The following TSBP1 variants were observed in gnomAD, a reference collection of about 807,000 sequenced individuals.
The protein encoded by TSBP1 is testis expressed basic protein 1.
In TSBP1, 56 loss-of-function variants were observed where a neutral mutation model predicts 68.8. The observed-to-expected ratio is 0.81, with a 90% confidence interval of 0.66 to 1.02. The LOEUF (loss-of-function observed/expected upper bound fraction) is 1.02, where lower values mean the gene tolerates loss of function less well. Ranked by LOEUF, TSBP1 falls within the 50% of genes least tolerant of loss-of-function variation. The probability of loss-of-function intolerance (pLI) is 0.00; values close to 1 mark genes in which losing one functional copy is unlikely to be tolerated. For synonymous variants in TSBP1, 171 were observed against 208.7 expected (o/e 0.82, Z 1.56); for missense variants, 502 against 641.2 (o/e 0.78, Z 2.34).
At chr6:32,355,655 C>A (rs1185139354) in exon 7 of TSBP1, 1 of 1,589,034 alleles carries the variant, frequency 6.3e-7, no homozygotes, top group Non-Finnish European at 8.5e-7. Flanking sequence ...TTACTGTAAT[C>A]TCTTTTGGAT....
intron 2 of TSBP1, 83 bp downstream of exon 2, chr6:32,369,814 T>C: frequency 1.2e-6 from 1 of 864,574 alleles, no homozygotes; most frequent in South Asian, 1.3e-5. Context: ...GTTTGATGAG[T>C]GAGATGAACT....
At chr6:32,358,390 A>C (rs1772577188) in intron 6 of TSBP1, among the ~76,000 whole-genome samples, 1 of 152,130 alleles carries the variant, frequency 6.6e-6, no homozygotes, top group Non-Finnish European at 1.5e-5. Flanking sequence ...AATGTGATGA[A>C]CTTTTAAGAA....
intron 18 of TSBP1, among the ~76,000 whole-genome samples, chr6:32,320,898 C>T (rs1032959060): frequency 6.6e-6 from 1 of 152,094 alleles, no homozygotes; most frequent in African/African-American, 2.4e-5. Context: ...CATGTGTTCT[C>T]ATCATTTAGC....
In TSBP1 at chr6:32,315,082, A is replaced by G; in HGVS notation, c.580+690T>C. Among the ~76,000 whole-genome samples the G allele has an allele frequency of 6.6e-6, 1 of 152,192 alleles. No individual in the cohort carries two copies. The highest frequency in any genetic ancestry group is 1.9e-4 in the East Asian group (1 of 5,194). On this transcript the variant is annotated intron_variant, in intron 19 of 22. Coordinates refer to ENST00000612031, the Ensembl canonical transcript of TSBP1. The surrounding 1 kb of genome is among the most constrained non-coding windows in gnomAD (Gnocchi z 5.4). ...ATTTCAGGATGAGGAATCTCAGCTG[A>G]TATTGGGTTTGCTTAAATCATTTGT...
rs573520126 is a variant in TSBP1, at chr6:32,316,481, T to A, written c.560-689A>T. ...CAAGTTTCCTTCTAGGGAGAGATAT[T>A]TGTGTTGGGGAGAATCTTGGTAGTC... On this transcript the variant is annotated intron_variant, in intron 18 of 22. Transcript: ENST00000612031. The surrounding 1 kb of genome is among the most constrained non-coding windows in gnomAD (Gnocchi z 4.5). 4 of 1,332,766 alleles carry A rather than the reference T, an allele frequency of 3.0e-6. No individual in the cohort carries two copies. The African/African-American group carries it at 4.4e-5, about 15-fold the overall frequency. The allele number at this position is 1,332,766 out of a possible 1,614,324, so 82.6% of individuals were successfully genotyped here. A position where few individuals can be genotyped will look rare whatever the true frequency, so the allele number is the denominator to read the frequency against.
intron 8 of TSBP1, among the ~76,000 whole-genome samples, chr6:32,352,127 T>C (rs1049032871): frequency 6.6e-6 from 1 of 151,982 alleles, no homozygotes; most frequent in Non-Finnish European, 1.5e-5. Flanking sequence ...AGGATTGTAT[T>C]TGGGCAAGAA....
At chr6:32,313,349 A>G (rs1263197280) in intron 19 of TSBP1, among the ~76,000 whole-genome samples, 3 of 152,260 alleles carry the variant, frequency 2.0e-5, no homozygotes, top group Admixed American at 6.5e-5. Flanking sequence ...GCTCATGGCT[A>G]TATTTCCAGT....
At chr6:32,369,945 C>G (rs1232644917) in exon 2 of TSBP1, 1 of 1,612,374 alleles carries the variant, frequency 6.2e-7, no homozygotes, top group South Asian at 1.1e-5. Context: ...GCCAGGATGG[C>G]AAGTCCCAGT....
At chr6:32,363,565 A>G (rs1773310790) in intron 6 of TSBP1, among the ~76,000 whole-genome samples, 1 of 151,220 alleles carries the variant, frequency 6.6e-6, no homozygotes, top group South Asian at 2.1e-4. Flanking sequence ...AGCTTACATA[A>G]AACATGGTTT....
chr6:32,350,607 A>G (rs114365500), intron 8 of TSBP1, among the ~76,000 whole-genome samples: 6,447 of 152,290 alleles, frequency 0.042, 355 homozygotes, highest in African/African-American at 0.12. Context: ...TCAAGGCCAT[A>G]GGCCTCATGC....
Position 32,314,214 on chromosome 6 carries a change from T to C in TSBP1, c.580+1558A>G, listed in dbSNP as rs1174469372. On this transcript the variant is annotated intron_variant, in intron 19 of 22. Transcript: ENST00000612031. This position sits in a 1 kb window ranked among gnomAD's most constrained non-coding sequence, Gnocchi z 4.2. ...ATTTAAAAATATTTCCAGCCAAGAC[T>C]TAGCCAGCCAAAAATGAGGTGTTAT... Among the ~76,000 whole-genome samples, 1 of 152,232 alleles carries C rather than the reference T, an allele frequency of 6.6e-6. No individual in the cohort carries two copies. The highest frequency in any genetic ancestry group is 1.5e-5 in the Non-Finnish European group (1 of 68,046).
chr6:32,320,286 G>C, intron 18 of TSBP1: 2 of 454,302 alleles, frequency 4.4e-6, no homozygotes, highest in Non-Finnish European at 8.8e-6. Flanking sequence ...CACACCTCCA[G>C]CAGGGCTCTG....
exon 23 of TSBP1, chr6:32,293,695 A>G (rs916556095): frequency 6.2e-6 from 10 of 1,612,762 alleles, no homozygotes; most frequent in Non-Finnish European, 6.8e-6. Flanking sequence ...CATCTGACAC[A>G]CTTTTCTTTA....
At chr6:32,332,596 G>GTT (rs199644787) in intron 14 of TSBP1, among the ~76,000 whole-genome samples, 6 of 150,638 alleles carry the variant, frequency 4.0e-5, no homozygotes, top group Admixed American at 1.3e-4. Flanking sequence ...AAAACCTTCT[G>GTT]TTTTTTTTTG....
At chr6:32,301,702 G>A (rs1482425374) in intron 20 of TSBP1, among the ~76,000 whole-genome samples, 1 of 101,948 alleles carries the variant, frequency 9.8e-6, no homozygotes, top group Non-Finnish European at 2.1e-5. Flanking sequence ...TGAGTGAAAC[G>A]CTGTTTTAAA....
intron 16 of TSBP1, among the ~76,000 whole-genome samples, chr6:32,329,639 C>T (rs1040287727): frequency 6.6e-6 from 1 of 152,102 alleles, no homozygotes; most frequent in South Asian, 2.1e-4. Context: ...AACTCCATGG[C>T]GTCAGTGACC....
chr6:32,308,764 A>G (rs145595267), intron 19 of TSBP1, among the ~76,000 whole-genome samples: 3 of 151,892 alleles, frequency 2.0e-5, no homozygotes, highest in African/African-American at 7.2e-5. Context: ...TATTTTTGCC[A>G]TAAATATTCA....
rs1226919195 is a variant in TSBP1, at chr6:32,365,849, C to T, written c.217+318G>A. Reference sequence around the variant, plus strand: ...CTGGACTCCCACAATGGTATTGTCTCATCTGTGGATAGTTGTCTAAATTGA... The same window carrying T: ...CTGGACTCCCACAATGGTATTGTCTTATCTGTGGATAGTTGTCTAAATTGA... On this transcript the variant is annotated intron_variant, in intron 6 of 22. Coordinates refer to ENST00000612031, the Ensembl canonical transcript of TSBP1. This position sits in a 1 kb window ranked among gnomAD's most constrained non-coding sequence, Gnocchi z 4.3. The T allele has an allele frequency of 4.2e-6, 2 of 477,712 alleles. No homozygotes were observed. Among genetic ancestry groups the T allele is most frequent in the Non-Finnish European group, 8.1e-6 (2 of 245,660 alleles). The allele number at this position is 477,712 out of a possible 1,614,324, so 29.6% of individuals were successfully genotyped here. A position where few individuals can be genotyped will look rare whatever the true frequency, so the allele number is the denominator to read the frequency against.
chr6:32,298,976 T>C (rs1357745076), intron 22 of TSBP1, among the ~76,000 whole-genome samples: 1 of 152,224 alleles, frequency 6.6e-6, no homozygotes, highest in Non-Finnish European at 1.5e-5. Flanking sequence ...AGGATCCTTT[T>C]GTGTACATTT....
Sources: gnomAD v4.1 joint callset for allele counts (sites outside exome capture counted in the v4.1 genomes callset) on GRCh38, gnomAD v4.1.1 for gene constraint, Gnocchi (gnomAD v3.1) non-coding constraint, MANE v1.5 for transcripts, NCBI Gene and HGNC (gene_info 2026-07-23, HGNC 2026-07-21) for gene names.